MAP4: variants seen among roughly 807,000 people sequenced by gnomAD.
MAP4 encodes the protein microtubule associated protein 4.
A neutral mutation model predicts 170.2 loss-of-function variants in MAP4; 76 were observed. That is an observed-to-expected ratio of 0.45 (90% CI 0.37 to 0.54). The LOEUF (loss-of-function observed/expected upper bound fraction) is 0.54, where lower values mean the gene tolerates loss of function less well. MAP4 is among the 20% of genes least tolerant of loss of function. The probability of loss-of-function intolerance (pLI) is 0.00; values close to 1 mark genes in which losing one functional copy is unlikely to be tolerated. For missense variants in MAP4, 2,506 were observed against 2,748.0 expected (o/e 0.91, Z 1.97); for synonymous variants, 909 against 994.5 (o/e 0.91, Z 1.62).
At chr3:48,035,692 C>A (rs1263180344) in intron 1 of MAP4, among the ~76,000 whole-genome samples, 1 of 152,100 alleles carries the variant, frequency 6.6e-6, no homozygotes, top group African/African-American at 2.4e-5. Context: ...GTAATCCCAG[C>A]ACTTTGGGAG....
At chr3:48,006,334 C>A (rs557080265) in intron 1 of MAP4, among the ~76,000 whole-genome samples, 1 of 152,296 alleles carries the variant, frequency 6.6e-6, no homozygotes, top group South Asian at 2.1e-4. Flanking sequence ...TTGGGGACTA[C>A]TGGACACTGG....
intron 4 of MAP4, among the ~76,000 whole-genome samples, chr3:47,922,684 C>T (rs2100043589): frequency 6.6e-6 from 1 of 152,070 alleles, no homozygotes; most frequent in South Asian, 2.1e-4. Flanking sequence ...AAGAAATAAA[C>T]TCTTGACTCA....
At position 47,851,552 on chromosome 3, in the gene MAP4, A is replaced by G. The variant is rs2042242498; in HGVS notation, c.*1382T>C. ...TTGGAATCTCCCAGGCCATTTCACT[A>G]CAAACTTATGTTTGAATCCTTTATT... On this transcript the variant is annotated 3_prime_UTR_variant, in exon 21 of 21. Coordinates refer to ENST00000683076, the MANE Select transcript of MAP4 (RefSeq NM_001385682.1). 1 of 152,220 alleles carries G rather than the reference A, an allele frequency of 6.6e-6. No homozygotes were observed. The highest frequency in any genetic ancestry group is 2.4e-5 in the African/African-American group (1 of 41,450). 9.4% of individuals were successfully genotyped at this position (152,220 alleles called of 1,614,324 possible).
Position 48,056,990 on chromosome 3 carries a change from G to GCC in MAP4, c.-20+31782_-20+31783insGG, listed in dbSNP as rs2100132377. Among the ~76,000 whole-genome samples, 2 of 129,410 alleles carry GCC rather than the reference G, an allele frequency of 1.5e-5. 1 individual carries two copies. The highest frequency in any genetic ancestry group is 5.9e-5 in the African/African-American group (2 of 34,062). The allele number at this position is 129,410 out of a possible 152,430, so 84.9% of individuals were successfully genotyped here. On this transcript the variant is annotated intron_variant, in intron 1 of 18. Coordinates refer to the MAP4 transcript ENST00000360240. ...CCCCGTCCGGGAGGGAGGTGGGGGG[G>GCC]GTCAGCCCCCCTGCCCGGCCAGCCG...
At chr3:48,075,054 A>G (rs2100143164) in intron 1 of MAP4, among the ~76,000 whole-genome samples, 1 of 152,160 alleles carries the variant, frequency 6.6e-6, no homozygotes, top group African/African-American at 2.4e-5. Flanking sequence ...AGCCAAAACA[A>G]TCTTCAAAAA....
chr3:48,069,795 G>T (rs1484813920), intron 1 of MAP4, among the ~76,000 whole-genome samples: 3 of 152,118 alleles, frequency 2.0e-5, no homozygotes, highest in Non-Finnish European at 4.4e-5. Context: ...ATACTAAATT[G>T]GTTGAGTACT....
At chr3:48,017,488 T>C (rs1288387588), upstream of MAP4, among the ~76,000 whole-genome samples, 1 of 134,022 alleles carries the variant, frequency 7.5e-6, no homozygotes, top group Non-Finnish European at 1.5e-5. Flanking sequence ...TTTTTTCTTT[T>C]TTTTTTTTTT....
chr3:47,996,423 C>G (rs1377402136), intron 2 of MAP4, among the ~76,000 whole-genome samples: 2 of 152,150 alleles, frequency 1.3e-5, no homozygotes, highest in Non-Finnish European at 2.9e-5. Context: ...CTGGCTAGAA[C>G]TCTTCCGATA....
chr3:47,922,480 G>T (rs1171628835), intron 4 of MAP4, among the ~76,000 whole-genome samples: 1 of 152,030 alleles, frequency 6.6e-6, no homozygotes, highest in East Asian at 1.9e-4. Flanking sequence ...TCTGAGAGGT[G>T]AAAGTATAAA....
Position 47,851,002 on chromosome 3 carries a change from A to C in MAP4, c.*1932T>G, listed in dbSNP as rs1426375125. On this transcript the variant is annotated 3_prime_UTR_variant, in exon 21 of 21. Coordinates refer to ENST00000683076, the MANE Select transcript of MAP4 (RefSeq NM_001385682.1). ...GGACCTGGAACCTGTCGTCAACCTC[A>C]GCATCCTCATGACCCCAGGACAGAC... The C allele has an allele frequency of 6.6e-6, 1 of 152,396 alleles. No homozygotes were observed. The highest frequency in any genetic ancestry group is 1.5e-5 in the Non-Finnish European group (1 of 68,216). The allele number at this position is 152,396 out of a possible 1,614,324, so 9.4% of individuals were successfully genotyped here. A position where few individuals can be genotyped will look rare whatever the true frequency, so the allele number is the denominator to read the frequency against.
At chr3:48,058,342 T>G (rs1448536026) in intron 1 of MAP4, among the ~76,000 whole-genome samples, 1 of 152,218 alleles carries the variant, frequency 6.6e-6, no homozygotes, top group Non-Finnish European at 1.5e-5. Context: ...ACCATGTACA[T>G]AATTTAAAAA....
At chr3:48,073,048 T>C (rs778954956) in intron 1 of MAP4, among the ~76,000 whole-genome samples, 3 of 148,858 alleles carry the variant, frequency 2.0e-5, no homozygotes, top group Non-Finnish European at 3.0e-5. Context: ...CTGGCCAACA[T>C]GGTGAAACCC....
At chr3:47,867,115 T>C in intron 17 of MAP4, 131 bp downstream of exon 17, 1 of 628,964 alleles carries the variant, frequency 1.6e-6, no homozygotes, top group Non-Finnish European at 2.8e-6. Context: ...CTCACTTTGC[T>C]AGTCTGCTTC....
intron 3 of MAP4, chr3:47,972,989 G>T (rs558403302): frequency 4.9e-4 from 480 of 978,772 alleles, no homozygotes; most frequent in Admixed American, 2.0e-3. Context: ...AGCTATATTA[G>T]ACCTAGAACT....
At position 47,853,171 on chromosome 3, in the gene MAP4, T is replaced by C. The variant is rs1244274577; in HGVS notation, c.6878A>G (p.Gln2293Arg). The part of the protein sequence containing the change: ...REAQTLDSQI[Q>R]ETN ...CGAGCCCAGCCACTTACTTGTCTCC[T>C]GGATCTGGCTGTCCAAGGTCTGGGC... The change falls in exon 20 of 21, where the codon CAG (glutamine) becomes CGG (arginine). Residue 2293 changes from glutamine to arginine, a missense_variant. Physicochemically the swap from Gln to Arg is conservative, Grantham distance 43. Transcript: ENST00000683076. 1 of 1,591,686 alleles carries C rather than the reference T, an allele frequency of 6.3e-7. No homozygotes were observed.
At chr3:47,893,588 C>T (rs1397815122) in intron 10 of MAP4, among the ~76,000 whole-genome samples, 3 of 152,090 alleles carry the variant, frequency 2.0e-5, no homozygotes, top group Non-Finnish European at 4.4e-5. Context: ...TAAAACAAAA[C>T]TGTGAGAAAA....
intron 9 of MAP4, among the ~76,000 whole-genome samples, chr3:47,904,677 C>T (rs776271396): frequency 1.0e-4 from 7 of 69,628 alleles, no homozygotes; most frequent in Admixed American, 1.9e-4. Context: ...AGGGGCGGGG[C>T]GGGGGATGGA....
chr3:47,950,967 A>G lies in MAP4; in HGVS notation c.293-22617T>C, dbSNP rs569656957. On this transcript the variant is annotated intron_variant, in intron 3 of 20. Transcript: ENST00000683076. ...TAACTTGACAGTGTTAATACCAAAT[A>G]GCAAGACCTAATCATGGTTCACATA... Among the ~76,000 whole-genome samples the G allele has an allele frequency of 3.8e-4, 58 of 152,364 alleles. 1 individual carries two copies. The highest frequency in any genetic ancestry group is 4.4e-4 in the Non-Finnish European group (30 of 68,040).
intron 1 of MAP4, among the ~76,000 whole-genome samples, chr3:48,079,599 G>C (rs1202787809): frequency 6.8e-6 from 1 of 148,090 alleles, no homozygotes; most frequent in Non-Finnish European, 1.5e-5. Flanking sequence ...AGGTTGCAGT[G>C]AGCCGAGATC....
Sources: allele counts gnomAD v4.1 joint callset (sites outside exome capture counted in the v4.1 genomes callset), GRCh38; gene constraint gnomAD v4.1.1; transcripts MANE v1.5; gene names NCBI Gene and HGNC (gene_info 2026-07-23, HGNC 2026-07-21).